Variants in PTPRT observed in about 807,000 individuals in gnomAD.
PTPRT encodes the protein receptor-type tyrosine-protein phosphatase T.
A neutral mutation model predicts 176.8 loss-of-function variants in PTPRT; 56 were observed. The observed-to-expected ratio is 0.32, with a 90% CI of 0.26 to 0.40. The LOEUF (loss-of-function observed/expected upper bound fraction) is 0.40. PTPRT is among the 10% of genes least tolerant of loss of function. The pLI is 1.00. For synonymous variants in PTPRT, 783 were observed against 739.0 expected (o/e 1.06, Z -0.96); for missense variants, 1,540 against 1,908.2 (o/e 0.81, Z 3.60).
intron 11 of PTPRT, among the ~76,000 whole-genome samples, chr20:42,329,368 T>C (rs944903392): frequency 1.3e-5 from 2 of 151,990 alleles, no homozygotes; most frequent in African/African-American, 2.4e-5. Context: ...ATAGGAAGAC[T>C]AGATATTAAA....
chr20:42,122,517 AG>A (rs775517802), intron 19 of PTPRT, among the ~76,000 whole-genome samples: 2 of 152,206 alleles, frequency 1.3e-5, no homozygotes, highest in East Asian at 3.9e-4. Context: ...ATTAAACCCA[AG>A]GGTTGTCTTG....
chr20:42,417,431 T>A (rs2059076370), intron 9 of PTPRT, among the ~76,000 whole-genome samples: 1 of 152,002 alleles, frequency 6.6e-6, no homozygotes, highest in Non-Finnish European at 1.5e-5. Flanking sequence ...TTTCGTTGTT[T>A]CCCTGCAAAC....
intron 6 of PTPRT, among the ~76,000 whole-genome samples, chr20:42,722,995 C>G (rs1454727494): frequency 6.6e-6 from 1 of 152,184 alleles, no homozygotes; most frequent in Non-Finnish European, 1.5e-5. Flanking sequence ...AATCCTGCTT[C>G]TGATACTGAA....
At chr20:43,060,437 T>A (rs760400253) in intron 1 of PTPRT, among the ~76,000 whole-genome samples, 6 of 151,988 alleles carry the variant, frequency 3.9e-5, no homozygotes, top group Non-Finnish European at 8.8e-5. Context: ...GGCCTAATCA[T>A]CTCCCAAAGG....
chr20:43,100,396 G>T (rs1415554530), intron 1 of PTPRT, among the ~76,000 whole-genome samples: 1 of 152,036 alleles, frequency 6.6e-6, no homozygotes, highest in East Asian at 1.9e-4. Flanking sequence ...AAGAAAGAAA[G>T]AAAGGATATA....
intron 1 of PTPRT, among the ~76,000 whole-genome samples, chr20:42,936,831 G>A (rs1980220056): frequency 6.6e-6 from 1 of 152,186 alleles, no homozygotes; most frequent in South Asian, 2.1e-4. Context: ...CCTAGCAACT[G>A]GGAGAACAGA....
At chr20:42,149,505 C>A (rs1424638203) in intron 17 of PTPRT, among the ~76,000 whole-genome samples, 1 of 151,566 alleles carries the variant, frequency 6.6e-6, no homozygotes, top group East Asian at 1.9e-4. Context: ...CTCACCGCAA[C>A]GTCTGCCTCC....
intron 2 of PTPRT, among the ~76,000 whole-genome samples, chr20:42,819,881 A>G (rs963255331): frequency 6.6e-6 from 1 of 152,262 alleles, no homozygotes; most frequent in Admixed American, 6.5e-5. Context: ...TATTCTAAAT[A>G]TATATGCACC....
At chr20:42,315,047 G>A (rs1488481434) in intron 12 of PTPRT, among the ~76,000 whole-genome samples, 2 of 152,072 alleles carry the variant, frequency 1.3e-5, no homozygotes, top group Admixed American at 1.3e-4. Context: ...TATGACTGGT[G>A]CCAATCCTTG....
chr20:42,638,442 C>T (rs2074660012), intron 7 of PTPRT, among the ~76,000 whole-genome samples: 1 of 152,074 alleles, frequency 6.6e-6, no homozygotes, highest in African/African-American at 2.4e-5. Context: ...TATGGGGAAA[C>T]TGATCCTAAT....
chr20:42,339,511 T>C (rs951421535), intron 11 of PTPRT, among the ~76,000 whole-genome samples: 20 of 152,136 alleles, frequency 1.3e-4, no homozygotes, highest in Non-Finnish European at 2.6e-4. Context: ...CTTCCCTATA[T>C]CACAAGAATG....
At chr20:42,186,899 T>C (rs1401991134) in intron 16 of PTPRT, among the ~76,000 whole-genome samples, 1 of 152,136 alleles carries the variant, frequency 6.6e-6, no homozygotes, top group Admixed American at 6.5e-5. Flanking sequence ...AAACTTGGTG[T>C]TGAACTCGAT....
At chr20:42,272,488 T>A (rs1017037897) in intron 13 of PTPRT, among the ~76,000 whole-genome samples, 1 of 152,108 alleles carries the variant, frequency 6.6e-6, no homozygotes, top group Non-Finnish European at 1.5e-5. Context: ...ATGCAAAGCT[T>A]CAGAGAAGAG....
At chr20:42,099,203 CA>C (rs1264658236) in intron 26 of PTPRT, among the ~76,000 whole-genome samples, 15 of 152,028 alleles carry the variant, frequency 9.9e-5, no homozygotes, top group Non-Finnish European at 1.9e-4. Flanking sequence ...TCCATTCATT[CA>C]AACTTTGTAG....
At chr20:43,179,311 C>T (rs2015192864) in intron 1 of PTPRT, among the ~76,000 whole-genome samples, 1 of 152,176 alleles carries the variant, frequency 6.6e-6, no homozygotes, top group Non-Finnish European at 1.5e-5. Flanking sequence ...TTTTTAATTG[C>T]TATAACTTAT....
chr20:42,190,158 A>G (rs1352175594), intron 16 of PTPRT, among the ~76,000 whole-genome samples: 1 of 152,194 alleles, frequency 6.6e-6, no homozygotes, highest in African/African-American at 2.4e-5. Context: ...ATTCAATTTA[A>G]TCTTGGAGCA....
intron 6 of PTPRT, among the ~76,000 whole-genome samples, chr20:42,712,227 T>A (rs2076155581): frequency 6.6e-6 from 1 of 152,146 alleles, no homozygotes; most frequent in African/African-American, 2.4e-5. Flanking sequence ...AGATAGTCCC[T>A]TTCCCCAAGT....
chr20:42,281,910 C>T (rs965530518), intron 13 of PTPRT, among the ~76,000 whole-genome samples: 4 of 152,176 alleles, frequency 2.6e-5, no homozygotes, highest in Admixed American at 6.5e-5. Context: ...CATGTACCAA[C>T]TGAAAGAGCC....
At chr20:42,272,810 C>T (rs933935386) in intron 13 of PTPRT, among the ~76,000 whole-genome samples, 3 of 152,334 alleles carry the variant, frequency 2.0e-5, no homozygotes, top group African/African-American at 7.2e-5. Flanking sequence ...TCTGGTCACA[C>T]TGGCCTACTA....
Sources: gnomAD v4.1 joint callset for allele counts (sites outside exome capture counted in the v4.1 genomes callset) on GRCh38, gnomAD v4.1.1 for gene constraint, MANE v1.5 for transcripts, NCBI Gene and HGNC (gene_info 2026-07-23, HGNC 2026-07-21) for gene names.